MUC17: variants seen among roughly 807,000 people sequenced by gnomAD.
MUC17 encodes the protein mucin-17.
MUC17 carries 190 observed loss-of-function variants against 170.3 expected under a neutral mutation model. The observed-to-expected ratio is 1.12, with a 90% CI of 0.99 to 1.26. The LOEUF (loss-of-function observed/expected upper bound fraction) is 1.26. MUC17 is among the 50% of genes most tolerant of loss of function. The pLI, the probability that MUC17 is intolerant of heterozygous loss-of-function variation, is 0.00. For synonymous variants in MUC17, 2,325 were observed against 2,002.5 expected (o/e 1.16, Z -4.30); for missense variants, 6,415 against 5,530.0 (o/e 1.16, Z -5.08).
rs1203051152 is a variant in MUC17, at chr7:101,035,566, A to G, written c.4150A>G (p.Thr1384Ala). ...ACSSPTTSEG[T>A]SMPNSNPSEG... ...TTCATCTCCTACAACTTCTGAAGGT[A>G]CCAGCATGCCAAACTCAAATCCTAG... Residue 1384 changes from threonine (T) to alanine (A), a missense_variant, in exon 3 of 13, where the codon ACC becomes GCC. Coordinates refer to ENST00000306151, the MANE Select transcript of MUC17 (RefSeq NM_001040105.2). The G allele has an allele frequency of 1.4e-5, 22 of 1,602,364 alleles. No individual in the cohort carries two copies. The highest frequency in any genetic ancestry group is 1.8e-5 in the Non-Finnish European group (21 of 1,173,452).
chr7:101,053,683 G>T, intron 11 of MUC17: 1 of 337,068 alleles, frequency 3.0e-6, no homozygotes, highest in Non-Finnish European at 5.4e-6. Flanking sequence ...TTTGAGACCA[G>T]CCTGGACCAC....
In MUC17 at chr7:101,039,309, A is replaced by T. The variant is rs541443913; in HGVS notation, c.7893A>T (p.Val2631=). 1.4e-4 allele frequency: 223 copies of T among 1,613,222 alleles called. 4 individuals are homozygous for T. In the South Asian group the frequency reaches 2.3e-3, roughly 16 times the overall value. ...TGCCAATCTCAACTCCTAGTGAAGT[A>T]AGTACTTCATTAACAAGTATACTTG... The part of the protein sequence containing the change: ...TSMPISTPSE[V]STSLTSILVS... The change falls in exon 3 of 13, where the codon GTA becomes GTT. Residue 2631 remains valine, a synonymous_variant. Transcript: ENST00000306151.
chr7:101,024,738 CTT>C (rs35811119), intron 1 of MUC17, among the ~76,000 whole-genome samples: 10 of 125,460 alleles, frequency 8.0e-5, no homozygotes, highest in Non-Finnish European at 1.3e-4. Flanking sequence ...CTGTCTCCTC[CTT>C]TTTTTTTTTT....
In MUC17 at chr7:101,036,111, C is replaced by T. The variant is rs1048874635; in HGVS notation, c.4695C>T (p.Thr1565=). The change falls in exon 3 of 13, where the codon ACC becomes ACT. Residue 1565 remains threonine, a synonymous_variant. Coordinates refer to ENST00000306151, the MANE Select transcript of MUC17 (RefSeq NM_001040105.2). ...CTGCTGACGGTACCAGCATGCAAAC[C>T]TCAACTTATAGTGAAGGAAGCACTC... The part of the protein sequence containing the change: ...PTTADGTSMQ[T]STYSEGSTPL... 2 of 1,612,092 alleles carry T rather than the reference C, an allele frequency of 1.2e-6. No individual in the cohort carries two copies. Among genetic ancestry groups the T allele is most frequent in the African/African-American group, 2.7e-5 (2 of 74,854 alleles).
rs779347352 is a variant in MUC17, at chr7:101,037,697, T to G, written c.6281T>G (p.Ile2094Ser). 1.4e-5 allele frequency: 23 copies of G among 1,608,768 alleles called. No homozygotes were observed. The highest frequency in any genetic ancestry group is 1.7e-5 in the Non-Finnish European group (20 of 1,178,614). The change falls in exon 3 of 13, where the codon ATC (isoleucine) becomes AGC (serine). Residue 2094 changes from isoleucine (I) to serine (S), a missense_variant. Coordinates refer to ENST00000306151, the MANE Select transcript of MUC17 (RefSeq NM_001040105.2). ...ACCGCTGAAGGTAGCAGCATGACAATCTCAGCTCCTAGTGAAGGAAGTCCT... is the reference window on the plus strand; with the variant it reads ...ACCGCTGAAGGTAGCAGCATGACAAGCTCAGCTCCTAGTGAAGGAAGTCCT... Reference protein sequence around the residue: ...SATAEGSSMTISAPSEGSPLL... With the variant: ...SATAEGSSMTSSAPSEGSPLL...
chr7:101,039,817 C>T lies in MUC17; in HGVS notation c.8401C>T (p.Pro2801Ser). 1.2e-6 allele frequency: 2 copies of T among 1,609,470 alleles called. No individual in the cohort carries two copies. The highest frequency in any genetic ancestry group is 1.7e-6 in the Non-Finnish European group (2 of 1,177,236). Residue 2801 changes from proline to serine, a missense_variant, in exon 3 of 13, where the codon CCA becomes TCA. Physicochemically the swap from Pro to Ser is moderately conservative, Grantham distance 74. Transcript: ENST00000306151. ...TACAACTGCTGAAGTTACCAGCATG[C>T]CAACCTCAACTCCTAGTGAAACAAG... The part of the protein sequence containing the change: ...SPTTAEVTSM[P>S]TSTPSETSTP...
Position 101,034,768 on chromosome 7 carries a change from G to T in MUC17, c.3352G>T (p.Ala1118Ser). The T allele has an allele frequency of 6.2e-7, 1 of 1,603,886 alleles. No individual in the cohort carries two copies. Among genetic ancestry groups the T allele is most frequent in the Non-Finnish European group, 8.5e-7 (1 of 1,174,280 alleles). Reference sequence around the variant, plus strand: ...CACCAGGCTGGTGGTCAGTTCTGAGGCTAGCACCCTTTCCACAACTCCTGT... The same window carrying T: ...CACCAGGCTGGTGGTCAGTTCTGAGTCTAGCACCCTTTCCACAACTCCTGT... ...VSTRLVVSSE[A>S]STLSTTPVDT... The change falls in exon 3 of 13, where the codon GCT (alanine) becomes TCT (serine). Residue 1118 changes from alanine to serine, a missense_variant. By Grantham distance (99) the Ala-to-Ser change is moderately conservative. Coordinates refer to ENST00000306151, the MANE Select transcript of MUC17 (RefSeq NM_001040105.2).
chr7:101,037,508 G>C lies in MUC17; in HGVS notation c.6092G>C (p.Gly2031Ala), dbSNP rs893938355. ...AGTTCATCTCCTACAACTGCAGGAG[G>C]TACCAGCATACAAACCTCAACTCCT... ...EGSSSPTTAG[G>A]TSIQTSTPSE... Residue 2031 changes from glycine to alanine, a missense_variant, in exon 3 of 13, where the codon GGT becomes GCT. Physicochemically the swap from Gly to Ala is moderately conservative, Grantham distance 60. Coordinates refer to ENST00000306151, the MANE Select transcript of MUC17 (RefSeq NM_001040105.2). 1 of 1,613,616 alleles carries C rather than the reference G, an allele frequency of 6.2e-7. No individual in the cohort carries two copies. The highest frequency in any genetic ancestry group is 1.1e-5 in the South Asian group (1 of 91,048).
At chr7:101,047,250 C>T (rs758154793) in intron 3 of MUC17, among the ~76,000 whole-genome samples, 59 of 152,110 alleles carry the variant, frequency 3.9e-4, no homozygotes, top group Non-Finnish European at 7.2e-4. Flanking sequence ...GAACAACGAC[C>T]ATCTAATTCT....
rs150228896 is a variant in MUC17, at chr7:101,038,803, G to A, written c.7387G>A (p.Val2463Ile). ...EGTTPLASMP[V>I]STTPVVSSEA... ...AACCACTCCGTTAGCAAGTATGCCT[G>A]TCAGCACCACGCCGGTGGTCAGTTC... The change falls in exon 3 of 13, where the codon GTC becomes ATC. Residue 2463 changes from valine to isoleucine, a missense_variant. By Grantham distance (29) the Val-to-Ile change is conservative. Coordinates refer to ENST00000306151, the MANE Select transcript of MUC17 (RefSeq NM_001040105.2). 24 of 1,612,560 alleles carry A rather than the reference G, an allele frequency of 1.5e-5. No homozygotes were observed. The African/African-American group carries it at 1.7e-4, about 12-fold the overall frequency.
chr7:101,037,913 T>G lies in MUC17; in HGVS notation c.6497T>G (p.Met2166Arg). Residue 2166 changes from methionine to arginine, a missense_variant, in exon 3 of 13, where the codon ATG (methionine) becomes AGG (arginine). Transcript: ENST00000306151. Reference sequence around the variant, plus strand: ...GACAGAAGAACTCCTTTAACAAGTATGCCTGTCAGCACCACAGTGGTGGCC... The same window carrying G: ...GACAGAAGAACTCCTTTAACAAGTAGGCCTGTCAGCACCACAGTGGTGGCC... ...YSDRRTPLTS[M>R]PVSTTVVASS... 2.5e-6 allele frequency: 4 copies of G among 1,610,024 alleles called. No homozygotes were observed. The highest frequency in any genetic ancestry group is 3.4e-6 in the Non-Finnish European group (4 of 1,177,500).
At chr7:101,049,279 C>A in intron 5 of MUC17, 45 bp from the exon 6 acceptor site, 1 of 1,613,432 alleles carries the variant, frequency 6.2e-7, no homozygotes, top group Non-Finnish European at 8.5e-7. Flanking sequence ...CACAGAACGG[C>A]CCCGTGGTCC....
rs568773240 is a variant in MUC17 at position 101,034,696 on chromosome 7, T to G, written c.3280T>G (p.Ser1094Ala). 11 of 1,606,642 alleles carry G rather than the reference T, an allele frequency of 6.8e-6. No individual in the cohort carries two copies. Among genetic ancestry groups the G allele is most frequent in the Non-Finnish European group, 9.4e-6 (11 of 1,175,742 alleles). Residue 1094 changes from serine (S) to alanine (A), a missense_variant, in exon 3 of 13, where the codon TCA (serine) becomes GCA (alanine). Ser to Ala is a moderately conservative substitution (Grantham distance 99). Coordinates refer to ENST00000306151, the MANE Select transcript of MUC17 (RefSeq NM_001040105.2). ...TGCTGACGGTACCAGCATGCCAACC[T>G]CAACTTATAGTGAAGGAAGCACTCC... is the stretch of plus-strand genomic sequence containing the variant. ...TTADGTSMPTSTYSEGSTPLT... is the reference protein window; with the variant it reads ...TTADGTSMPTATYSEGSTPLT...
chr7:101,041,097 AC>A lies in MUC17; in HGVS notation c.9683del (p.Pro3228LeufsTer26), dbSNP rs1287602901. Reference sequence around the variant, plus strand: ...AAGGAATGACTCCATTAACTAGTGTACCTGTCAGCAACACGCCGGTGGCCAG... The same window carrying A: ...AAGGAATGACTCCATTAACTAGTGTACTGTCAGCAACACGCCGGTGGCCAG... ...SEGMTPLTSVPVSNTPVASSE... is the reference protein window; with the variant it reads ...SEGMTPLTSVXVSNTPVASSE... On this transcript the variant is annotated frameshift_variant, in exon 3 of 13. Coordinates refer to ENST00000306151, the MANE Select transcript of MUC17 (RefSeq NM_001040105.2). LOFTEE classifies it high-confidence loss of function. 7 of 1,612,878 alleles carry A rather than the reference AC, an allele frequency of 4.3e-6. No individual in the cohort carries two copies. The highest frequency in any genetic ancestry group is 5.9e-6 in the Non-Finnish European group (7 of 1,179,720).
In MUC17 at chr7:101,039,900, C is replaced by G; in HGVS notation, c.8484C>G (p.Gly2828=). 6.2e-7 allele frequency: 1 copy of G among 1,613,274 alleles called. No homozygotes were observed. Among genetic ancestry groups the G allele is most frequent in the Non-Finnish European group, 8.5e-7 (1 of 1,179,722 alleles). Residue 2828 remains glycine, a synonymous_variant, in exon 3 of 13, where the codon GGC becomes GGG. Coordinates refer to ENST00000306151, the MANE Select transcript of MUC17 (RefSeq NM_001040105.2). ...CGCCAGTGGCCAGTTCTGAGGCTGG[C>G]ACCCTTTCAACAACTCCTGTTGACA... ...NHTPVASSEA[G]TLSTTPVDTS...
intron 1 of MUC17, among the ~76,000 whole-genome samples, chr7:101,029,065 G>GTAATCCCA (rs1162020228): frequency 6.6e-6 from 1 of 152,070 alleles, no homozygotes; most frequent in Non-Finnish European, 1.5e-5. Flanking sequence ...GCGCATGCCT[G>GTAATCCCA]TAATCCCAGC....
chr7:101,050,748 C>A, intron 7 of MUC17, 113 bp downstream of exon 7: 1 of 1,433,302 alleles, frequency 7.0e-7, no homozygotes, highest in African/African-American at 1.4e-5. Context: ...GTGCAAGAAT[C>A]ACTGTGGGGT....
Position 101,033,182 on chromosome 7 carries a change from C to A in MUC17, c.1766C>A (p.Thr589Asn). The A allele has an allele frequency of 1.2e-6, 2 of 1,614,014 alleles. No homozygotes were observed. Among genetic ancestry groups the A allele is most frequent in the East Asian group, 2.2e-5 (1 of 44,842 alleles). Residue 589 changes from threonine (T) to asparagine (N), a missense_variant, in exon 3 of 13, where the codon ACC becomes AAC. Thr to Asn is a moderately conservative substitution (Grantham distance 65). Transcript: ENST00000306151. ...CTGGTGGTCAGTTCTGAGGCTAGCA[C>A]CACTTCAACAACTCCTGCTGACTCC... ...TRLVVSSEAS[T>N]TSTTPADSNT...
Position 101,032,091 on chromosome 7 carries a change from C to A in MUC17, c.675C>A (p.Thr225=), listed in dbSNP as rs1183889735. The A allele has an allele frequency of 6.2e-7, 1 of 1,614,064 alleles. No individual in the cohort carries two copies. Among genetic ancestry groups the A allele is most frequent in the South Asian group, 1.1e-5 (1 of 91,068 alleles). Residue 225 remains threonine (T), a synonymous_variant, in exon 3 of 13, where the codon ACC becomes ACA. Coordinates refer to ENST00000306151, the MANE Select transcript of MUC17 (RefSeq NM_001040105.2). ...CATTAACAAGTATGCCTGCCAGCACCATGAAGGTGGCCAGTTCAGAGGCTA... is the reference window on the plus strand; with the variant it reads ...CATTAACAAGTATGCCTGCCAGCACAATGAAGGTGGCCAGTTCAGAGGCTA... ...STPLTSMPAS[T]MKVASSEAIT... is the part of the protein sequence containing the mutation.
Sources: gnomAD v4.1 joint callset for allele counts (sites outside exome capture counted in the v4.1 genomes callset) on GRCh38, gnomAD v4.1.1 for gene constraint, MANE v1.5 for transcripts, NCBI Gene and HGNC (gene_info 2026-07-23, HGNC 2026-07-21) for gene names.